The following SPATA31H1 variants were observed in gnomAD, a reference collection of about 807,000 sequenced individuals.
The protein encoded by SPATA31H1 is SPATA31 subfamily H member 1, also known as spermatogenesis-associated protein 31H1.
At chr2:27,581,925 C>A in the SPATA31H1 span, 1 of 1,612,312 alleles carries the variant, frequency 6.2e-7, no homozygotes, top group Non-Finnish European at 8.5e-7. Context: ...ACATCACAGT[C>A]CCTCAGAGAA....
the SPATA31H1 span, chr2:27,566,875 C>G: frequency 1.4e-6 from 1 of 717,490 alleles, no homozygotes; most frequent in Non-Finnish European, 2.6e-6. Context: ...CACAGCATCT[C>G]CTTTAGTTCA....
chr2:27,544,349 T>G, the SPATA31H1 span, among the ~76,000 whole-genome samples: 1 of 151,874 alleles, frequency 6.6e-6, no homozygotes, highest in African/African-American at 2.4e-5. Context: ...CCTCATGTTA[T>G]TTTCTAGTCT....
At chr2:27,567,120 G>GCA in the SPATA31H1 span, 1 of 701,462 alleles carries the variant, frequency 1.4e-6, no homozygotes, top group Non-Finnish European at 2.6e-6. Flanking sequence ...CTCTATTTCT[G>GCA]AACCCCTAAA....
the SPATA31H1 span, chr2:27,576,846 G>C: frequency 6.2e-7 from 1 of 1,614,068 alleles, no homozygotes; most frequent in Non-Finnish European, 8.5e-7. Flanking sequence ...AAAATCTGTG[G>C]AATTAGCACC....
At chr2:27,565,579 G>T in the SPATA31H1 span, among the ~76,000 whole-genome samples, 1 of 152,118 alleles carries the variant, frequency 6.6e-6, no homozygotes, top group Non-Finnish European at 1.5e-5. Flanking sequence ...TCTTTCCATG[G>T]TTCCTTTCCT....
chr2:27,579,179 C>T, the SPATA31H1 span: 1 of 1,614,158 alleles, frequency 6.2e-7, no homozygotes. Flanking sequence ...CTTTCCCGGG[C>T]AGACAACACA....
At chr2:27,549,807 T>G in the SPATA31H1 span, among the ~76,000 whole-genome samples, 1 of 151,784 alleles carries the variant, frequency 6.6e-6, no homozygotes, top group African/African-American at 2.4e-5. Flanking sequence ...AGACTCCGCC[T>G]CAAAAAATAA....
At chr2:27,581,736 G>A in the SPATA31H1 span, 7 of 1,418,724 alleles carry the variant, frequency 4.9e-6, no homozygotes, top group East Asian at 3.2e-5. Flanking sequence ...TCGCAGTCCC[G>A]CTCGGAGGAG....
chr2:27,554,397 G>C, the SPATA31H1 span, among the ~76,000 whole-genome samples: 1 of 151,850 alleles, frequency 6.6e-6, no homozygotes, highest in Non-Finnish European at 1.5e-5. Flanking sequence ...TCATTAACTG[G>C]GTGGCTTATA....
chr2:27,541,663 A>G, the SPATA31H1 span, among the ~76,000 whole-genome samples: 1 of 152,036 alleles, frequency 6.6e-6, no homozygotes, highest in African/African-American at 2.4e-5. Context: ...GCAGAATATG[A>G]ACCATTGTGT....
the SPATA31H1 span, chr2:27,572,799 T>A: frequency 2.5e-6 from 1 of 398,066 alleles, no homozygotes; most frequent in Admixed American, 4.4e-5. Context: ...TGTAAAGTCA[T>A]CTCAACTGAC....
chr2:27,572,086 T>C, the SPATA31H1 span: 1 of 398,328 alleles, frequency 2.5e-6, no homozygotes, highest in Admixed American at 4.4e-5. Flanking sequence ...ATAAAATCGG[T>C]AGACCTCAAG....
At chr2:27,544,670 G>A in the SPATA31H1 span, among the ~76,000 whole-genome samples, 2 of 151,662 alleles carry the variant, frequency 1.3e-5, no homozygotes, top group Non-Finnish European at 2.9e-5. Flanking sequence ...AAGTAGCTGG[G>A]ATTACAGATG....
chr2:27,573,208 G>A, the SPATA31H1 span: 5 of 398,244 alleles, frequency 1.3e-5, no homozygotes, highest in African/African-American at 8.2e-5. Flanking sequence ...CAGTTGCAAT[G>A]TGTGAAAACT....
At chr2:27,567,612 C>T in the SPATA31H1 span, 1 of 402,376 alleles carries the variant, frequency 2.5e-6, no homozygotes, top group African/African-American at 2.1e-5. Context: ...TGGATTCAAG[C>T]CTTTAGTTAC....
chr2:27,561,473 G>A, the SPATA31H1 span, among the ~76,000 whole-genome samples: 5 of 152,096 alleles, frequency 3.3e-5, no homozygotes, highest in Middle Eastern at 6.3e-3. Flanking sequence ...TGTGTGTGGC[G>A]GAAACATTTA....
At chr2:27,565,262 G>T in the SPATA31H1 span, 1 of 694,062 alleles carries the variant, frequency 1.4e-6, no homozygotes, top group Non-Finnish European at 2.7e-6. Flanking sequence ...TATCTAAAAG[G>T]TGAGAAGTGC....
At chr2:27,572,644 A>T in the SPATA31H1 span, 8 of 398,022 alleles carry the variant, frequency 2.0e-5, no homozygotes, top group East Asian at 2.5e-4. Context: ...GAGTTAAACC[A>T]AGACTCACAG....
the SPATA31H1 span, among the ~76,000 whole-genome samples, chr2:27,559,427 C>T: frequency 6.6e-6 from 1 of 152,200 alleles, no homozygotes; most frequent in Admixed American, 6.5e-5. Context: ...TTATTTCCCT[C>T]CACTTCCTTT....
Sources: allele counts gnomAD v4.1 joint callset (sites outside exome capture counted in the v4.1 genomes callset), GRCh38; gene constraint gnomAD v4.1.1; transcripts MANE v1.5; gene names NCBI Gene and HGNC (gene_info 2026-07-23, HGNC 2026-07-21).